Variants in CNTNAP5 observed in about 807,000 individuals in gnomAD.
The protein encoded by CNTNAP5 is contactin-associated protein-like 5.
A neutral mutation model predicts 150.2 loss-of-function variants in CNTNAP5; 72 were observed. That is an observed-to-expected ratio of 0.48 (90% confidence interval 0.40 to 0.58). The LOEUF is 0.58. Among genes scored for constraint, CNTNAP5 ranks in the 20% least tolerant of loss-of-function variants. The probability of loss-of-function intolerance (pLI) is 0.00; values close to 1 mark genes in which losing one functional copy is unlikely to be tolerated. For synonymous variants in CNTNAP5, 672 were observed against 619.8 expected (o/e 1.08, Z -1.25); for missense variants, 1,636 against 1,626.2 (o/e 1.01, Z -0.10).
intron 14 of CNTNAP5, among the ~76,000 whole-genome samples, chr2:124,751,231 G>C (rs1367394251): frequency 6.6e-6 from 1 of 151,796 alleles, no homozygotes; most frequent in Admixed American, 6.6e-5. Flanking sequence ...GGGGGTAGGG[G>C]GAACATCTGT....
At chr2:124,846,736 T>A (rs952075606) in intron 19 of CNTNAP5, among the ~76,000 whole-genome samples, 4 of 152,136 alleles carry the variant, frequency 2.6e-5, no homozygotes, top group Non-Finnish European at 4.4e-5. Flanking sequence ...CAAGGGCTAG[T>A]GTTAAGATTT....
intron 13 of CNTNAP5, among the ~76,000 whole-genome samples, chr2:124,710,503 G>A (rs1679784489): frequency 6.6e-6 from 1 of 152,120 alleles, no homozygotes; most frequent in Admixed American, 6.5e-5. Flanking sequence ...AGTTCAACAA[G>A]AGAACCTATC....
chr2:124,028,139 C>T (rs756286801), intron 1 of CNTNAP5, among the ~76,000 whole-genome samples: 1 of 152,042 alleles, frequency 6.6e-6, no homozygotes, highest in African/African-American at 2.4e-5. Context: ...AGTAATATGT[C>T]GTGACATTTG....
intron 19 of CNTNAP5, among the ~76,000 whole-genome samples, chr2:124,812,916 A>G (rs994132174): frequency 5.3e-5 from 8 of 152,048 alleles, no homozygotes; most frequent in African/African-American, 1.9e-4. Flanking sequence ...AATCTCTTCA[A>G]ATATTTTACA....
intron 1 of CNTNAP5, among the ~76,000 whole-genome samples, chr2:124,149,826 C>T (rs1684360217): frequency 6.6e-6 from 1 of 152,218 alleles, no homozygotes; most frequent in African/African-American, 2.4e-5. Context: ...TGTGTGTCTT[C>T]TGTTGCCGCC....
chr2:124,398,214 C>T (rs1244537563), intron 3 of CNTNAP5, among the ~76,000 whole-genome samples: 1 of 152,114 alleles, frequency 6.6e-6, no homozygotes, highest in African/African-American at 2.4e-5. Context: ...GGAGACCAAC[C>T]TAAATACAGA....
chr2:124,423,652 CTTTTTTTTTT>C lies in CNTNAP5; in HGVS notation c.529+6083_529+6092del, dbSNP rs1187961580. Among the ~76,000 whole-genome samples, 248 of 41,582 alleles carry C rather than the reference CTTTTTTTTTT, an allele frequency of 6.0e-3. 1 individual carries two copies. The highest frequency in any genetic ancestry group is 8.1e-3 in the Non-Finnish European group (205 of 25,406). The allele number at this position is 41,582 out of a possible 152,430, so 27.3% of individuals were successfully genotyped here. On this transcript the variant is annotated intron_variant, in intron 4 of 23. Transcript: ENST00000682447. ...TGAGCCACTGCGCCCGGCTAATTAA[CTTTTTTTTTT>C]TTTTTTTTTTTTTTTTTTTTGAGAC... is the stretch of plus-strand genomic sequence containing the variant.
At chr2:124,549,208 G>T (rs536559135) in intron 10 of CNTNAP5, among the ~76,000 whole-genome samples, 1 of 152,270 alleles carries the variant, frequency 6.6e-6, no homozygotes, top group Non-Finnish European at 1.5e-5. Flanking sequence ...TTCATCCATG[G>T]GTTCTAGAGA....
chr2:124,055,216 A>G (rs887259197), intron 1 of CNTNAP5, among the ~76,000 whole-genome samples: 2 of 152,202 alleles, frequency 1.3e-5, no homozygotes, highest in Non-Finnish European at 2.9e-5. Flanking sequence ...TGTGAAGCCA[A>G]TGGTGACATT....
intron 13 of CNTNAP5, among the ~76,000 whole-genome samples, chr2:124,737,573 G>A (rs1435055221): frequency 6.6e-6 from 1 of 152,186 alleles, no homozygotes; most frequent in Non-Finnish European, 1.5e-5. Context: ...GGTTTCATGG[G>A]CCATGGCGAG....
chr2:124,148,077 C>G (rs1022967293), intron 1 of CNTNAP5, among the ~76,000 whole-genome samples: 3 of 152,146 alleles, frequency 2.0e-5, no homozygotes, highest in African/African-American at 7.2e-5. Context: ...CAAGGTTTCA[C>G]AGGATAACTG....
At position 124,918,092 on chromosome 2, in the gene CNTNAP5, T is replaced by C. The variant is rs932249895; in HGVS notation, c.*3804T>C. Among the ~76,000 whole-genome samples the C allele has an allele frequency of 9.9e-5, 15 of 152,094 alleles. No individual in the cohort carries two copies. The highest frequency in any genetic ancestry group is 3.6e-4 in the African/African-American group (15 of 41,452). ...GTCTCTGCCATACATTTGAGGAGGC[T>C]GAATTCTCTACATTCTTGTTTCGGG... On this transcript the variant is annotated 3_prime_UTR_variant, in exon 24 of 24. Transcript: ENST00000682447.
intron 3 of CNTNAP5, among the ~76,000 whole-genome samples, chr2:124,305,624 A>T (rs1688669734): frequency 6.6e-6 from 1 of 152,180 alleles, no homozygotes; most frequent in Admixed American, 6.5e-5. Flanking sequence ...AGAGGTGATT[A>T]GGTCATTAGG....
intron 1 of CNTNAP5, among the ~76,000 whole-genome samples, chr2:124,202,601 T>C (rs1192886739): frequency 2.6e-5 from 4 of 152,032 alleles, no homozygotes; most frequent in African/African-American, 4.8e-5. Flanking sequence ...GCATAATTTA[T>C]AAAGAAAAAG....
At chr2:124,576,138 ATATATCTATATC>A (rs60325451) in intron 11 of CNTNAP5, among the ~76,000 whole-genome samples, 47 of 151,040 alleles carry the variant, frequency 3.1e-4, no homozygotes, top group African/African-American at 5.8e-4. Flanking sequence ...GGATGGCTGT[ATATATCTATATC>A]TATATCTATA....
At chr2:124,518,979 C>G (rs532657862) in intron 8 of CNTNAP5, among the ~76,000 whole-genome samples, 10 of 108,288 alleles carry the variant, frequency 9.2e-5, no homozygotes, top group Non-Finnish European at 1.5e-4. Context: ...GCAAAGTGTA[C>G]TTTAGCCTGG....
chr2:124,163,863 G>GAA lies in CNTNAP5; in HGVS notation c.83-57833_83-57832dup, dbSNP rs5834046. Among the ~76,000 whole-genome samples, 66 of 149,448 alleles carry GAA rather than the reference G, an allele frequency of 4.4e-4. 1 individual carries two copies. In the East Asian group the frequency reaches 5.9e-3, roughly 13 times the overall value. The stretch of plus-strand genomic sequence containing the variant: ...AATTATTGCTTCTGCATGCCTCTAA[G>GAA]AAAAAAAAAAGAATTAAAACCTCTC... On this transcript the variant is annotated intron_variant, in intron 1 of 23. Transcript: ENST00000682447.
chr2:124,171,809 A>C (rs1232264764), intron 1 of CNTNAP5, among the ~76,000 whole-genome samples: 1 of 152,158 alleles, frequency 6.6e-6, no homozygotes, highest in Non-Finnish European at 1.5e-5. Flanking sequence ...GTTATGTTTT[A>C]GGTTCTTTAT....
At chr2:124,687,180 G>A (rs2105075125) in intron 13 of CNTNAP5, among the ~76,000 whole-genome samples, 1 of 152,106 alleles carries the variant, frequency 6.6e-6, no homozygotes, top group African/African-American at 2.4e-5. Flanking sequence ...CTCCATGCCA[G>A]TGTCTCTCAA....
Sources: gnomAD v4.1 joint callset for allele counts (sites outside exome capture counted in the v4.1 genomes callset) on GRCh38, gnomAD v4.1.1 for gene constraint, MANE v1.5 for transcripts, NCBI Gene and HGNC (gene_info 2026-07-23, HGNC 2026-07-21) for gene names.